The following TMEM140 variants were observed in gnomAD, a reference collection of about 807,000 sequenced individuals.
The protein encoded by TMEM140 is transmembrane protein 140.
For missense variants in TMEM140, 236 were observed against 228.5 expected (o/e 1.03, Z -0.21); for synonymous variants, 107 against 106.8 (o/e 1.00, Z -0.01).
At chr7:135,162,683 T>A (rs1269102372) in intron 1 of TMEM140, among the ~76,000 whole-genome samples, 1 of 152,112 alleles carries the variant, frequency 6.6e-6, no homozygotes. Flanking sequence ...TCCAATTACC[T>A]CCCACTGGGT....
intron 1 of TMEM140, among the ~76,000 whole-genome samples, chr7:135,148,502 G>C (rs942516457): frequency 5.9e-5 from 9 of 152,072 alleles, no homozygotes; most frequent in Non-Finnish European, 7.4e-5. Context: ...GTGTAGCTCT[G>C]GCCTCAAAGA....
intron 1 of TMEM140, among the ~76,000 whole-genome samples, chr7:135,160,659 C>T (rs1160346508): frequency 6.6e-6 from 1 of 151,746 alleles, no homozygotes; most frequent in African/African-American, 2.4e-5. Context: ...GGCAGCTCTG[C>T]TGTCCTAAGA....
At chr7:135,162,014 G>C (rs1259668408) in intron 1 of TMEM140, among the ~76,000 whole-genome samples, 1 of 152,240 alleles carries the variant, frequency 6.6e-6, no homozygotes, top group African/African-American at 2.4e-5. Context: ...GCCTGCCCAG[G>C]TCTCTGCCAA....
chr7:135,164,413 C>T lies in TMEM140; in HGVS notation c.-24-5C>T, dbSNP rs753566403. The T allele has an allele frequency of 5.7e-6, 9 of 1,578,766 alleles. No homozygotes were observed. The highest frequency in any genetic ancestry group is 2.3e-5 in the East Asian group (1 of 44,028). ...GATGGACTGACTGCTGTGACTTCCCCGCAGGTCCCCCGGCAGAGGGCAGTA... is the reference window on the plus strand; with the variant it reads ...GATGGACTGACTGCTGTGACTTCCCTGCAGGTCCCCCGGCAGAGGGCAGTA... On this transcript the variant is annotated splice_region_variant and splice_polypyrimidine_tract_variant and intron_variant, in intron 1 of 1. Coordinates refer to ENST00000275767, the MANE Select transcript of TMEM140 (RefSeq NM_018295.5).
At chr7:135,148,584 G>A (rs775751672) in intron 1 of TMEM140, among the ~76,000 whole-genome samples, 1 of 152,204 alleles carries the variant, frequency 6.6e-6, no homozygotes, top group Non-Finnish European at 1.5e-5. Context: ...AGTCTTGCAC[G>A]CAGTGTGTAC....
At chr7:135,162,030 T>G (rs1829953548) in intron 1 of TMEM140, among the ~76,000 whole-genome samples, 1 of 152,218 alleles carries the variant, frequency 6.6e-6, no homozygotes, top group South Asian at 2.1e-4. Context: ...GCCAAAGAAG[T>G]CGCTGGTCAA....
intron 1 of TMEM140, among the ~76,000 whole-genome samples, chr7:135,162,776 A>C (rs292499): frequency 0.93 from 141,694 of 152,242 alleles, 66,729 homozygotes; most frequent in Non-Finnish European, 1. Context: ...ATCAGCCGAA[A>C]CTTATCCCAT....
intron 1 of TMEM140, among the ~76,000 whole-genome samples, chr7:135,150,223 T>A (rs1829635664): frequency 6.6e-6 from 1 of 152,208 alleles, no homozygotes; most frequent in Non-Finnish European, 1.5e-5. Context: ...CAGTATTAGT[T>A]AATGAAGAAC....
At chr7:135,150,658 A>C (rs1254173110) in intron 1 of TMEM140, among the ~76,000 whole-genome samples, 1 of 152,196 alleles carries the variant, frequency 6.6e-6, no homozygotes, top group Non-Finnish European at 1.5e-5. Flanking sequence ...CTGATTCTCA[A>C]ACTCTGAATC....
chr7:135,162,371 A>C (rs886483832), intron 1 of TMEM140, among the ~76,000 whole-genome samples: 1 of 152,198 alleles, frequency 6.6e-6, no homozygotes, highest in African/African-American at 2.4e-5. Context: ...CTTGTGCCTC[A>C]CAAAGCTTGA....
At chr7:135,156,396 T>C (rs974540433) in intron 1 of TMEM140, among the ~76,000 whole-genome samples, 4 of 152,280 alleles carry the variant, frequency 2.6e-5, no homozygotes, top group Admixed American at 6.5e-5. Flanking sequence ...TTATTCATTC[T>C]TTTTTATCCT....
At chr7:135,157,393 A>G (rs140973294) in intron 1 of TMEM140, among the ~76,000 whole-genome samples, 1 of 152,336 alleles carries the variant, frequency 6.6e-6, no homozygotes, top group East Asian at 1.9e-4. Context: ...GCTGAGACTA[A>G]GTCCCCAGAA....
In TMEM140 at chr7:135,161,693, C is replaced by G. The variant is rs140861694; in HGVS notation, c.-24-2725C>G. 6.6e-6 allele frequency among the ~76,000 whole-genome samples: 1 copy of G among 152,180 alleles called. No individual in the cohort carries two copies. The highest frequency in any genetic ancestry group is 6.5e-5 in the Admixed American group (1 of 15,288). ...CTTTTCAATTCCCAATAATTCCTTC[C>G]GTAACAAGCATCATTGCTCCAAGAA... On this transcript the variant is annotated intron_variant, in intron 1 of 1. Coordinates refer to ENST00000275767, the MANE Select transcript of TMEM140 (RefSeq NM_018295.5). The surrounding 1 kb of genome is among the most constrained non-coding windows in gnomAD (Gnocchi z 4.1).
At position 135,161,086 on chromosome 7, in the gene TMEM140, G is replaced by A. The variant is rs574805317; in HGVS notation, c.-24-3332G>A. Among the ~76,000 whole-genome samples, 3 of 152,326 alleles carry A rather than the reference G, an allele frequency of 2.0e-5. No individual in the cohort carries two copies. Among genetic ancestry groups the A allele is most frequent in the South Asian group, 4.1e-4 (2 of 4,828 alleles). On this transcript the variant is annotated intron_variant, in intron 1 of 1. Coordinates refer to ENST00000275767, the MANE Select transcript of TMEM140 (RefSeq NM_018295.5). The surrounding 1 kb of genome is among the most constrained non-coding windows in gnomAD (Gnocchi z 4.1). Reference sequence around the variant, plus strand: ...GTTCCAAGTCGCACCAGATGATGGCGAGCCTCATAAGAGCTGGGACTGAAT... The same window carrying A: ...GTTCCAAGTCGCACCAGATGATGGCAAGCCTCATAAGAGCTGGGACTGAAT...
intron 1 of TMEM140, among the ~76,000 whole-genome samples, chr7:135,160,382 G>A (rs952373721): frequency 1.1e-4 from 17 of 152,208 alleles, no homozygotes; most frequent in African/African-American, 3.6e-4. Flanking sequence ...TCATTGTGGT[G>A]GAAGTGTCAT....
intron 1 of TMEM140, among the ~76,000 whole-genome samples, chr7:135,154,884 GTTTC>G: frequency 6.6e-6 from 1 of 152,240 alleles, no homozygotes. Context: ...TAAGTACAAT[GTTTC>G]TTTGTTAATT....
At position 135,164,458 on chromosome 7, in the gene TMEM140, C is replaced by T. The variant is rs1238640189; in HGVS notation, c.17C>T (p.Pro6Leu). Residue 6 changes from proline (P) to leucine (L), a missense_variant, in exon 2 of 2, where the codon CCT becomes CTT. Transcript: ENST00000275767. Reference protein sequence around the residue: MAGPRPRWRDQLLFMS... With the variant: MAGPRLRWRDQLLFMS... ...GCAGTAGAGATGGCCGGCCCAAGGC[C>T]TCGGTGGCGCGACCAGCTGCTGTTC... 1.9e-6 allele frequency: 3 copies of T among 1,599,818 alleles called. No individual in the cohort carries two copies. The highest frequency in any genetic ancestry group is 1.1e-5 in the South Asian group (1 of 90,868).
chr7:135,151,413 C>A lies in TMEM140; in HGVS notation c.-25+3143C>A, dbSNP rs73725242. Among the ~76,000 whole-genome samples the A allele has an allele frequency of 0.037, 5,603 of 152,266 alleles. 330 individuals carry two copies. Among genetic ancestry groups the A allele is most frequent in the African/African-American group, 0.13 (5,306 of 41,532 alleles). ...CACACTGATCTTCAATGTGTTCCAC[C>A]AGAAATATTTTAGCCAGGACTGGTG... On this transcript the variant is annotated intron_variant, in intron 1 of 1. Transcript: ENST00000275767. This position sits in a 1 kb window ranked among gnomAD's most constrained non-coding sequence, Gnocchi z 4.3.
In TMEM140 at chr7:135,164,907, A is replaced by G; in HGVS notation, c.466A>G (p.Ser156Gly). The G allele has an allele frequency of 6.2e-7, 1 of 1,614,194 alleles. No homozygotes were observed. Among genetic ancestry groups the G allele is most frequent in the Admixed American group, 1.7e-5 (1 of 60,022 alleles). ...LPGPGFLALGSAQALLILLLI... is the reference protein window; with the variant it reads ...LPGPGFLALGGAQALLILLLI... ...GGGGCCTGGGTTTCTAGCTCTGGGC[A>G]GCGCCCAGGCCTTACTCATCCTCTT... Residue 156 changes from serine (S) to glycine (G), a missense_variant, in exon 2 of 2, where the codon AGC becomes GGC. Coordinates refer to ENST00000275767, the MANE Select transcript of TMEM140 (RefSeq NM_018295.5).
Sources: allele counts gnomAD v4.1 joint callset (sites outside exome capture counted in the v4.1 genomes callset), GRCh38; gene constraint gnomAD v4.1.1; non-coding constraint Gnocchi (gnomAD v3.1); transcripts MANE v1.5; gene names NCBI Gene and HGNC (gene_info 2026-07-23, HGNC 2026-07-21).